Variants in FAM117B observed in about 807,000 individuals in gnomAD.
The protein encoded by FAM117B is protein FAM117B.
FAM117B carries 22 observed loss-of-function variants against 52.8 expected under a neutral mutation model. The ratio of observed to expected loss-of-function variants is 0.42; its 90% CI spans 0.30 to 0.59. FAM117B has a LOEUF of 0.59. Among genes scored for constraint, FAM117B ranks in the 20% least tolerant of loss-of-function variants. The pLI, the probability that FAM117B is intolerant of heterozygous loss-of-function variation, is 0.22. For missense variants in FAM117B, 678 were observed against 802.6 expected (o/e 0.84, Z 1.88); for synonymous variants, 309 against 324.1 (o/e 0.95, Z 0.50).
At chr2:202,656,103 T>C (rs1428013562) in intron 1 of FAM117B, among the ~76,000 whole-genome samples, 1 of 152,170 alleles carries the variant, frequency 6.6e-6, no homozygotes, top group Non-Finnish European at 1.5e-5. Flanking sequence ...TGAATATTTG[T>C]ATATTTTCTC....
chr2:202,732,046 CTTT>C (rs758181285), intron 4 of FAM117B, among the ~76,000 whole-genome samples: 2 of 135,010 alleles, frequency 1.5e-5, no homozygotes, highest in African/African-American at 2.7e-5. Context: ...ATTTATTTTT[CTTT>C]TTTTTTTTTT....
In FAM117B at chr2:202,653,006, T is replaced by C. The variant is rs183906223; in HGVS notation, c.601+17218T>C. Among the ~76,000 whole-genome samples, 18 of 152,262 alleles carry C rather than the reference T, an allele frequency of 1.2e-4. No homozygotes were observed. The East Asian group carries it at 2.1e-3, about 18-fold the overall frequency. ...CAGGCTGGGCATGGTGGCTCATGCC[T>C]GTAATCCTAGCACTTTGGGAGGACG... On this transcript the variant is annotated intron_variant, in intron 1 of 7. Transcript: ENST00000392238.
intron 4 of FAM117B, among the ~76,000 whole-genome samples, chr2:202,731,335 ATATATATAT>A (rs1691342699): frequency 1.1e-4 from 11 of 98,586 alleles, no homozygotes; most frequent in African/African-American, 3.4e-4. Context: ...AAATTGGAAT[ATATATATAT>A]ATATATATAT....
Position 202,651,355 on chromosome 2 carries a change from C to T in FAM117B, c.601+15567C>T, listed in dbSNP as rs548350726. Among the ~76,000 whole-genome samples, 14 of 151,108 alleles carry T rather than the reference C, an allele frequency of 9.3e-5. No individual in the cohort carries two copies. The South Asian group carries it at 2.1e-3, about 23-fold the overall frequency. On this transcript the variant is annotated intron_variant, in intron 1 of 7. Transcript: ENST00000392238. Reference sequence around the variant, plus strand: ...GGATCACAGGTGTGAGCCACCGCTCCGGGCCCTTAATTTACCATTCCTTTT... The same window carrying T: ...GGATCACAGGTGTGAGCCACCGCTCTGGGCCCTTAATTTACCATTCCTTTT...
intron 1 of FAM117B, among the ~76,000 whole-genome samples, chr2:202,646,715 G>C (rs1037908379): frequency 6.6e-6 from 1 of 152,058 alleles, no homozygotes; most frequent in Admixed American, 6.6e-5. Flanking sequence ...CATCTTATTA[G>C]CCTATTCATT....
chr2:202,671,903 G>A (rs1202921427), intron 1 of FAM117B, among the ~76,000 whole-genome samples: 1 of 152,152 alleles, frequency 6.6e-6, no homozygotes, highest in Non-Finnish European at 1.5e-5. Context: ...TCCAATCAAT[G>A]ACTCAGAGAC....
intron 4 of FAM117B, among the ~76,000 whole-genome samples, chr2:202,734,791 T>C (rs1691414271): frequency 6.6e-6 from 1 of 152,254 alleles, no homozygotes; most frequent in Admixed American, 6.5e-5. Flanking sequence ...ATGTAAAAGA[T>C]GTAAACAGAC....
intron 2 of FAM117B, among the ~76,000 whole-genome samples, chr2:202,698,057 G>A (rs745920309): frequency 5.9e-5 from 9 of 152,194 alleles, no homozygotes; most frequent in Middle Eastern, 3.4e-3. Flanking sequence ...TTTTAGTAGA[G>A]ACGGGGTTTT....
At chr2:202,675,250 A>C in intron 1 of FAM117B, among the ~76,000 whole-genome samples, 1 of 151,428 alleles carries the variant, frequency 6.6e-6, no homozygotes, top group African/African-American at 2.4e-5. Flanking sequence ...CAACAACAAA[A>C]AGCCTGAGCA....
chr2:202,750,066 G>A (rs1691699553), intron 4 of FAM117B, among the ~76,000 whole-genome samples: 3 of 152,200 alleles, frequency 2.0e-5, no homozygotes. Flanking sequence ...TGCCAGCAGG[G>A]TTGGTATTTG....
intron 4 of FAM117B, among the ~76,000 whole-genome samples, chr2:202,738,704 A>G (rs531050338): frequency 4.6e-5 from 7 of 152,318 alleles, no homozygotes; most frequent in African/African-American, 1.7e-4. Context: ...ACCCTAGATT[A>G]TTAGCTTCTC....
chr2:202,733,816 G>A (rs1185285464), intron 4 of FAM117B, among the ~76,000 whole-genome samples: 3 of 152,142 alleles, frequency 2.0e-5, no homozygotes, highest in Non-Finnish European at 2.9e-5. Context: ...TTGTACAATA[G>A]TGTTCCTGAG....
At chr2:202,676,892 T>C (rs1690386361) in intron 1 of FAM117B, among the ~76,000 whole-genome samples, 2 of 152,096 alleles carry the variant, frequency 1.3e-5, no homozygotes, top group Non-Finnish European at 1.5e-5. Flanking sequence ...TTGAGGAAGC[T>C]GGGGTTAAGA....
chr2:202,707,215 ATT>A (rs371933346), intron 2 of FAM117B, among the ~76,000 whole-genome samples: 8 of 144,304 alleles, frequency 5.5e-5, no homozygotes, highest in African/African-American at 7.7e-5. Flanking sequence ...CTAATTTTTA[ATT>A]TTTTTTTTTT....
rs777058089 is a variant in FAM117B, at chr2:202,717,598, G to A, written c.754-7319G>A. 1.4e-4 allele frequency among the ~76,000 whole-genome samples: 22 copies of A among 152,212 alleles called. 1 individual carries two copies. The highest frequency in any genetic ancestry group is 7.3e-5 in the Non-Finnish European group (5 of 68,044). Reference sequence around the variant, plus strand: ...CCTTGACAATGTTGATGAAGATCCAGAAGAATTATCTGGATTACAAGGCAG... The same window carrying A: ...CCTTGACAATGTTGATGAAGATCCAAAAGAATTATCTGGATTACAAGGCAG... On this transcript the variant is annotated intron_variant, in intron 2 of 7. Coordinates refer to ENST00000392238, the MANE Select transcript of FAM117B (RefSeq NM_173511.4).
rs2105803512 is a variant in FAM117B, at chr2:202,766,885, C to A, written c.*1121C>A. 6.6e-6 allele frequency: 1 copy of A among 152,518 alleles called. No individual in the cohort carries two copies. Among genetic ancestry groups the A allele is most frequent in the Middle Eastern group, 3.4e-3 (1 of 294 alleles). 9.4% of individuals were successfully genotyped at this position (152,518 alleles called of 1,614,324 possible). A position where few individuals can be genotyped will look rare whatever the true frequency, so the allele number is the denominator to read the frequency against. Reference sequence around the variant, plus strand: ...GGAGTGTAATCCAGTGGATAGTGATCCAAACTGTAGCCGCAGAATCCTGTG... The same window carrying A: ...GGAGTGTAATCCAGTGGATAGTGATACAAACTGTAGCCGCAGAATCCTGTG... On this transcript the variant is annotated 3_prime_UTR_variant, in exon 8 of 8. Transcript: ENST00000392238.
chr2:202,677,889 A>C (rs1202069263), intron 1 of FAM117B, among the ~76,000 whole-genome samples: 1 of 152,224 alleles, frequency 6.6e-6, no homozygotes, highest in Non-Finnish European at 1.5e-5. Flanking sequence ...AATGCCTAAT[A>C]AATATGAATT....
Position 202,635,795 on chromosome 2 carries a change from G to A in FAM117B, c.601+7G>A. On this transcript the variant is annotated splice_region_variant and intron_variant, in intron 1 of 7. Coordinates refer to ENST00000392238, the MANE Select transcript of FAM117B (RefSeq NM_173511.4). ...GCCCCGGTTTGCAAAGCAGGTAAGT[G>A]CTGGGGGTCGCGCAGCAAGGGGGAG... is the stretch of plus-strand genomic sequence containing the variant. The A allele has an allele frequency of 7.0e-7, 1 of 1,433,358 alleles. No homozygotes were observed. 88.8% of individuals were successfully genotyped at this position (1,433,358 alleles called of 1,614,324 possible). A position where few individuals can be genotyped will look rare whatever the true frequency, so the allele number is the denominator to read the frequency against.
At chr2:202,637,821 A>G (rs2105749882) in intron 1 of FAM117B, among the ~76,000 whole-genome samples, 1 of 152,044 alleles carries the variant, frequency 6.6e-6, no homozygotes, top group South Asian at 2.1e-4. Flanking sequence ...TGTGTAAGAT[A>G]GAATGTGGGA....
Sources: allele counts gnomAD v4.1 joint callset (sites outside exome capture counted in the v4.1 genomes callset), GRCh38; gene constraint gnomAD v4.1.1; transcripts MANE v1.5; gene names NCBI Gene and HGNC (gene_info 2026-07-23, HGNC 2026-07-21).